GRIA3: variants seen among roughly 807,000 people sequenced by gnomAD.
GRIA3 encodes glutamate ionotropic receptor AMPA type subunit 3.
Under a neutral mutation model 63.0 loss-of-function variants are expected in GRIA3, and 3 were observed. The ratio of observed to expected loss-of-function variants is 0.05; its 90% confidence interval spans 0.02 to 0.12. The LOEUF is 0.12. Among genes scored for constraint, GRIA3 ranks in the 10% least tolerant of loss-of-function variants. GRIA3 has a pLI of 1.00. For missense variants in GRIA3, 347 were observed against 700.9 expected (o/e 0.50, Z 5.70); for synonymous variants, 274 against 257.9 (o/e 1.06, Z -0.60).
At chrX:123,266,100 T>A (rs2044486557) in intron 3 of GRIA3, among the ~76,000 whole-genome samples, 1 of 112,141 alleles carries the variant, frequency 8.9e-6, no homozygotes, top group South Asian at 3.7e-4. Context: ...TTCCTTAAAA[T>A]AAAAGGAGTA....
chrX:123,365,895 T>G (rs1320624045), intron 5 of GRIA3, among the ~76,000 whole-genome samples: 1 of 112,297 alleles, frequency 8.9e-6, no homozygotes, highest in Non-Finnish European at 1.9e-5. Flanking sequence ...CCCCTAGGGC[T>G]GCTGGTTGCC....
At position 123,413,532 on chromosome X, in the gene GRIA3, CAAAAAAAAAAAAAAAAAAAAA is replaced by C. The variant is rs570201736; in HGVS notation, c.1501-3852_1501-3832del. 6.9e-4 allele frequency among the ~76,000 whole-genome samples: 11 copies of C among 15,881 alleles called. 1 individual carries two copies. Among genetic ancestry groups the C allele is most frequent in the South Asian group, 6.8e-3 (1 of 148 alleles). The allele number at this position is 15,881 out of a possible 115,157, so 13.8% of individuals were successfully genotyped here. A position where few individuals can be genotyped will look rare whatever the true frequency, so the allele number is the denominator to read the frequency against. ...TCTAACTGATTCAGACTCTCTCTGC[CAAAAAAAAAAAAAAAAAAAAA>C]AAAAAAAAAAAAAAAAACACTCTGC... On this transcript the variant is annotated intron_variant, in intron 10 of 15. Coordinates refer to ENST00000620443, the MANE Select transcript of GRIA3 (RefSeq NM_007325.5).
intron 4 of GRIA3, among the ~76,000 whole-genome samples, chrX:123,334,921 A>C (rs1042745210): frequency 9.1e-6 from 1 of 110,431 alleles, no homozygotes; most frequent in African/African-American, 3.3e-5. Flanking sequence ...CAGTTCAAGA[A>C]ATATTGATTG....
At chrX:123,458,891 C>A (rs950544630) in intron 12 of GRIA3, among the ~76,000 whole-genome samples, 2 of 108,358 alleles carry the variant, frequency 1.8e-5, no homozygotes, top group African/African-American at 6.5e-5. Context: ...GTCTGGAGAT[C>A]CAAATATACA....
chrX:123,283,463 C>T (rs1014977451), intron 3 of GRIA3, among the ~76,000 whole-genome samples: 4 of 111,731 alleles, frequency 3.6e-5, no homozygotes. Context: ...CAGACCCCAC[C>T]CTCATGGAGC....
At chrX:123,405,560 C>T (rs751175102) in intron 10 of GRIA3, among the ~76,000 whole-genome samples, 7 of 111,631 alleles carry the variant, frequency 6.3e-5, no homozygotes, top group African/African-American at 2.3e-4. Flanking sequence ...TAGCTTCATC[C>T]TGTACTCTTT....
intron 12 of GRIA3, among the ~76,000 whole-genome samples, chrX:123,457,369 G>A (rs1318509258): frequency 8.9e-6 from 1 of 111,844 alleles, no homozygotes; most frequent in Non-Finnish European, 1.9e-5. Flanking sequence ...AGTGAAACAG[G>A]GAGAAAGTGG....
At chrX:123,345,384 C>G (rs186811052) in intron 4 of GRIA3, among the ~76,000 whole-genome samples, 87 of 106,585 alleles carry the variant, frequency 8.2e-4, no homozygotes, top group African/African-American at 3.0e-3. Context: ...ACTGCACATG[C>G]CCAGTTAGGT....
intron 2 of GRIA3, among the ~76,000 whole-genome samples, chrX:123,190,989 G>A (rs1293637450): frequency 1.8e-5 from 2 of 112,185 alleles, no homozygotes; most frequent in East Asian, 5.6e-4. Context: ...AAAGAGATTT[G>A]TCATTTTTAT....
chrX:123,367,949 T>A (rs1167329841), intron 5 of GRIA3, among the ~76,000 whole-genome samples: 1 of 112,200 alleles, frequency 8.9e-6, no homozygotes, highest in Non-Finnish European at 1.9e-5. Context: ...AAACTAGTAA[T>A]CATATACTTT....
intron 5 of GRIA3, among the ~76,000 whole-genome samples, chrX:123,360,519 TA>T (rs752270406): frequency 0.16 from 6,751 of 42,248 alleles, 690 homozygotes; most frequent in African/African-American, 0.32. Flanking sequence ...TGTCTCTACT[TA>T]AAAAAAAAAA....
chrX:123,488,299 T>C (rs1271135142), intron 15 of GRIA3, among the ~76,000 whole-genome samples: 1 of 112,453 alleles, frequency 8.9e-6, no homozygotes, highest in Non-Finnish European at 1.9e-5. Flanking sequence ...CAAAATATTT[T>C]CTTCTCACAG....
intron 3 of GRIA3, among the ~76,000 whole-genome samples, chrX:123,260,027 C>A (rs986405596): frequency 9.1e-6 from 1 of 110,365 alleles, no homozygotes; most frequent in African/African-American, 3.3e-5. Context: ...TACCAGGAAT[C>A]CAGACAGGCA....
chrX:123,310,864 G>A (rs903025146), intron 3 of GRIA3, among the ~76,000 whole-genome samples: 3 of 111,037 alleles, frequency 2.7e-5, no homozygotes, highest in African/African-American at 9.8e-5. Context: ...CTAGCCAGGT[G>A]TGGTGGCACA....
chrX:123,471,306 A>G (rs761381380), intron 13 of GRIA3, among the ~76,000 whole-genome samples: 31 of 112,008 alleles, frequency 2.8e-4, no homozygotes, highest in Non-Finnish European at 1.9e-4. Context: ...AATAAATTCT[A>G]CCACCGGAAA....
intron 12 of GRIA3, among the ~76,000 whole-genome samples, chrX:123,448,858 T>C (rs1037674473): frequency 8.9e-6 from 1 of 112,030 alleles, no homozygotes; most frequent in East Asian, 2.8e-4. Flanking sequence ...AACTATGGAA[T>C]TGGGGAGAAA....
chrX:123,298,349 G>C (rs1013183257), intron 3 of GRIA3, among the ~76,000 whole-genome samples: 4 of 111,030 alleles, frequency 3.6e-5, no homozygotes, highest in African/African-American at 6.5e-5. Flanking sequence ...CTCCCAGCAA[G>C]GGTATATAAG....
intron 2 of GRIA3, among the ~76,000 whole-genome samples, chrX:123,191,442 T>A (rs1233181736): frequency 8.9e-6 from 1 of 111,915 alleles, no homozygotes; most frequent in Non-Finnish European, 1.9e-5. Context: ...ATAGATAGCC[T>A]CAGCCCGTGT....
At chrX:123,322,475 A>G (rs2044874651) in intron 3 of GRIA3, among the ~76,000 whole-genome samples, 1 of 111,634 alleles carries the variant, frequency 9.0e-6, no homozygotes, top group Admixed American at 9.5e-5. Context: ...CAGCAGGCTT[A>G]TTTTTACAAA....
Sources: gnomAD v4.1 joint callset for allele counts (sites outside exome capture counted in the v4.1 genomes callset) on GRCh38, gnomAD v4.1.1 for gene constraint, MANE v1.5 for transcripts, NCBI Gene and HGNC (gene_info 2026-07-23, HGNC 2026-07-21) for gene names.